APOB: variants seen among roughly 807,000 people sequenced by gnomAD.
APOB encodes the protein apolipoprotein B, also known as apolipoprotein B-100.
In APOB, 153 loss-of-function variants were observed where a neutral mutation model predicts 314.1. The ratio of observed to expected loss-of-function variants is 0.49; its 90% CI spans 0.43 to 0.56. The LOEUF is 0.56. APOB is among the 20% of genes least tolerant of loss of function. The pLI is 0.00. For synonymous variants in APOB, 2,087 were observed against 2,036.4 expected (o/e 1.02, Z -0.67); for missense variants, 5,430 against 5,350.7 (o/e 1.01, Z -0.46).
chr2:21,024,586 C>G, intron 16 of APOB: 1 of 475,956 alleles, frequency 2.1e-6, no homozygotes, highest in Non-Finnish European at 3.7e-6. Flanking sequence ...TCACTGCACT[C>G]CAGCCTGGGA....
Position 21,032,573 on chromosome 2 carries a change from G to A in APOB, c.1133C>T (p.Thr378Ile), listed in dbSNP as rs1558574135. ...TCCACACTGAACCAAGGCTTGTAAA[G>A]TGATGGGGCTGAGAAGAAAGACATG... ...PQLIEVSSPI[T>I]LQALVQCGQP... Residue 378 changes from threonine (T) to isoleucine (I), a missense_variant, in exon 10 of 29, where the codon ACT becomes ATT. Physicochemically the swap from Thr to Ile is moderately conservative, Grantham distance 89. Around this residue, in one of 3 missense-constraint regions of APOB, gnomAD observed 2,085 missense variants for 2,079.7 expected, o/e 1.00. Coordinates refer to ENST00000233242, the MANE Select transcript of APOB (RefSeq NM_000384.3). 1 of 1,613,874 alleles carries A rather than the reference G, an allele frequency of 6.2e-7. No individual in the cohort carries two copies. Among genetic ancestry groups the A allele is most frequent in the Non-Finnish European group, 8.5e-7 (1 of 1,179,752 alleles).
In APOB at chr2:21,010,937, C is replaced by T. The variant is rs748244979; in HGVS notation, c.5931G>A (p.Gln1977=). Residue 1977 remains glutamine (Q), a synonymous_variant, in exon 26 of 29, where the codon CAG becomes CAA. Transcript: ENST00000233242. ...KVSALLTPAE[Q]TGTWKLKTQF... ...GGGTCTTGAGTTTCCAGGTGCCTGT[C>T]TGCTCAGCTGGAGTAAGCAGGGCAC... 1 of 1,614,158 alleles carries T rather than the reference C, an allele frequency of 6.2e-7. No homozygotes were observed. The highest frequency in any genetic ancestry group is 1.1e-5 in the South Asian group (1 of 91,078).
chr2:21,042,285 C>T lies in APOB; in HGVS notation c.237+76G>A, dbSNP rs574110093. 102 of 1,105,098 alleles carry T rather than the reference C, an allele frequency of 9.2e-5. No homozygotes were observed. The African/African-American group carries it at 1.4e-3, about 15-fold the overall frequency. 68.5% of individuals were successfully genotyped at this position (1,105,098 alleles called of 1,614,324 possible). A position where few individuals can be genotyped will look rare whatever the true frequency, so the allele number is the denominator to read the frequency against. On this transcript the variant is annotated intron_variant, in intron 3 of 28. Coordinates refer to ENST00000233242, the MANE Select transcript of APOB (RefSeq NM_000384.3). The stretch of plus-strand genomic sequence containing the variant: ...CAGTACACACCCTCCGGGAAGGTCG[C>T]GTGTTGGGCGCCCGCTGGAACAGGG...
rs1172260850 is a variant in APOB at position 21,005,553 on chromosome 2, T to A, written c.11315A>T (p.Lys3772Met). ...KLDFREIQIY[K>M]KLRTSSFALN... ...GGCAAATGATGAAGTTCTCAGCTTCTTATAGATTTGTATTTCTCTGAAGTC... is the reference window on the plus strand; with the variant it reads ...GGCAAATGATGAAGTTCTCAGCTTCATATAGATTTGTATTTCTCTGAAGTC... Residue 3772 changes from lysine (K) to methionine (M), a missense_variant, in exon 26 of 29, where the codon AAG (lysine) becomes ATG (methionine). Lys to Met is a moderately conservative substitution (Grantham distance 95). Around this residue, in one of 3 missense-constraint regions of APOB, gnomAD observed 3,281 missense variants for 3,171.0 expected, o/e 1.03. Transcript: ENST00000233242. The A allele has an allele frequency of 6.2e-7, 1 of 1,614,072 alleles. No homozygotes were observed. The highest frequency in any genetic ancestry group is 8.5e-7 in the Non-Finnish European group (1 of 1,179,970).
rs189193213 is a variant in APOB, at chr2:21,042,501, C to T, written c.122-25G>A. On this transcript the variant is annotated intron_variant, in intron 2 of 28. Coordinates refer to ENST00000233242, the MANE Select transcript of APOB (RefSeq NM_000384.3). ...TCTAACGTGGGGAGAAATACGTCAG[C>T]CACATAGCAGAAATAGCTCTCCCAA... 1.1e-5 allele frequency: 17 copies of T among 1,580,868 alleles called. No individual in the cohort carries two copies. The East Asian group carries it at 3.8e-4, about 35-fold the overall frequency.
chr2:21,016,400 G>A lies in APOB; in HGVS notation c.3332+39C>T, dbSNP rs776837638. 5.7e-6 allele frequency: 6 copies of A among 1,058,856 alleles called. No individual in the cohort carries two copies. In the East Asian group the frequency reaches 1.4e-4, roughly 25 times the overall value. The allele number at this position is 1,058,856 out of a possible 1,614,324, so 65.6% of individuals were successfully genotyped here. The stretch of plus-strand genomic sequence containing the variant: ...AGGAATAATGAAAAGAACCACCCAG[G>A]CCTGCAGTGCAGGTCAGATGACCCT... On this transcript the variant is annotated intron_variant, in intron 21 of 28. Coordinates refer to ENST00000233242, the MANE Select transcript of APOB (RefSeq NM_000384.3).
rs1558572342 is a variant in APOB, at chr2:21,028,350, G to T, written c.1806C>A (p.Asn602Lys). The change falls in exon 13 of 29, where the codon AAC becomes AAA. Residue 602 changes from asparagine (N) to lysine (K), a missense_variant. Asn to Lys is a moderately conservative substitution (Grantham distance 94, BLOSUM62 0). Transcript: ENST00000233242. ...ACTCTTGGATATCCAATTCTTCTGA[G>T]TTCAAGATATTGGCAATATGGGAAG... is the stretch of plus-strand genomic sequence containing the variant. Reference protein sequence around the residue: ...FVASHIANILNSEELDIQDLK... With the variant: ...FVASHIANILKSEELDIQDLK... 1.9e-6 allele frequency: 3 copies of T among 1,613,860 alleles called. No homozygotes were observed. The highest frequency in any genetic ancestry group is 1.6e-4 in the Middle Eastern group (1 of 6,062).
chr2:21,037,011 C>A, intron 6 of APOB, 89 bp downstream of exon 6: 1 of 1,547,148 alleles, frequency 6.5e-7, no homozygotes, highest in South Asian at 1.2e-5. Flanking sequence ...AGGCTGTCCT[C>A]AAAGGTGCCC....
rs907466176 is a variant in APOB, at chr2:21,012,311, G to A, written c.4557C>T (p.Asn1519=). 8 of 1,614,022 alleles carry A rather than the reference G, an allele frequency of 5.0e-6. No homozygotes were observed. The highest frequency in any genetic ancestry group is 2.7e-5 in the African/African-American group (2 of 74,914). The change falls in exon 26 of 29, where the codon AAC becomes AAT. Residue 1519 remains asparagine, a synonymous_variant. Transcript: ENST00000233242. ...PNTGRLNGES[N]LRFNSSYLQG... ...GGAGGTAGGAGGAGTTAAACCTCAG[G>A]TTGGACTCTCCATTGAGCCGGCCAG...
rs758067709 is a variant in APOB at position 21,009,811 on chromosome 2, G to A, written c.7057C>T (p.Gln2353Ter). The change falls in exon 26 of 29, where the codon CAA becomes TAA. Residue 2353 changes from glutamine to a stop codon, truncating the protein, a stop_gained. Transcript: ENST00000233242. LOFTEE classifies it high-confidence loss of function. ...AATTTATCCATTAAAACCTGGATTTGTTGGTCTACTTCATACCTCTCGATT... is the reference window on the plus strand; with the variant it reads ...AATTTATCCATTAAAACCTGGATTTATTGGTCTACTTCATACCTCTCGATT... ...ELIERYEVDQ[Q>*]IQVLMDKLVE... is the part of the protein sequence containing the mutation. The A allele has an allele frequency of 1.2e-6, 2 of 1,613,994 alleles. No homozygotes were observed. The highest frequency in any genetic ancestry group is 1.7e-6 in the Non-Finnish European group (2 of 1,179,970).
intron 8 of APOB, among the ~76,000 whole-genome samples, chr2:21,034,507 C>T (rs113548298): frequency 1.2e-4 from 18 of 152,328 alleles, no homozygotes; most frequent in African/African-American, 2.2e-4. Flanking sequence ...TGGTCCACCT[C>T]GTCTGGGACA....
rs776068398 is a variant in APOB at position 21,005,790 on chromosome 2, G to T, written c.11078C>A (p.Thr3693Asn). ...SLWDFLKLDV[T>N]TSIGRRQHLR... ...ATGCTGTCTCCTACCAATGCTGGTG[G>T]TTACATCCAGCTTTAGGAAATCCCA... Residue 3693 changes from threonine to asparagine, a missense_variant, in exon 26 of 29, where the codon ACC (threonine) becomes AAC (asparagine). Physicochemically the swap from Thr to Asn is moderately conservative, Grantham distance 65. Transcript: ENST00000233242. 2.2e-5 allele frequency: 35 copies of T among 1,613,898 alleles called. No homozygotes were observed. The highest frequency in any genetic ancestry group is 2.9e-5 in the Non-Finnish European group (34 of 1,179,968).
rs1558559559 is a variant in APOB at position 21,003,336 on chromosome 2, TA to T, written c.12088-3del. On this transcript the variant is annotated splice_region_variant and splice_polypyrimidine_tract_variant and intron_variant, in intron 28 of 28. Coordinates refer to ENST00000233242, the MANE Select transcript of APOB (RefSeq NM_000384.3). ...GGTGAGTTTTTTATCTGGAGAGGAC[TA>T]AACAGAGAGAAAAAAAAAAATAACA... The T allele has an allele frequency of 6.2e-7, 1 of 1,609,238 alleles. No homozygotes were observed. Among genetic ancestry groups the T allele is most frequent in the Non-Finnish European group, 8.5e-7 (1 of 1,177,820 alleles).
intron 6 of APOB, among the ~76,000 whole-genome samples, chr2:21,036,430 G>A (rs1664005216): frequency 6.6e-6 from 1 of 152,212 alleles, no homozygotes; most frequent in Admixed American, 6.5e-5. Context: ...CAGCATGACA[G>A]TGATTGCCCA....
At position 21,009,840 on chromosome 2, in the gene APOB, T is replaced by C. The variant is rs202229735; in HGVS notation, c.7028A>G (p.Glu2343Gly). 1.2e-6 allele frequency: 2 copies of C among 1,613,952 alleles called. No individual in the cohort carries two copies. Among genetic ancestry groups the C allele is most frequent in the African/African-American group, 2.7e-5 (2 of 74,916 alleles). ...GTCTACTTCATACCTCTCGATTAAC[T>C]CATGGACTTTGGCTCTGAAGGCATT... Reference protein sequence around the residue: ...KINAFRAKVHELIERYEVDQQ... With the variant: ...KINAFRAKVHGLIERYEVDQQ... The change falls in exon 26 of 29, where the codon GAG becomes GGG. Residue 2343 changes from glutamate (E) to glycine (G), a missense_variant. Physicochemically the swap from Glu to Gly is moderately conservative, Grantham distance 98 (BLOSUM62 -2). Transcript: ENST00000233242.
chr2:21,025,085 T>G lies in APOB; in HGVS notation c.2284A>C (p.Ile762Leu). ...ACTTCTTTGGATTTCAAATCTTTAATCAGCTTCTCAACACTGAGCATTATT... is the reference window on the plus strand; with the variant it reads ...ACTTCTTTGGATTTCAAATCTTTAAGCAGCTTCTCAACACTGAGCATTATT... ...NGIMLSVEKL[I>L]KDLKSKEVPE... Residue 762 changes from isoleucine (I) to leucine (L), a missense_variant, in exon 16 of 29, where the codon ATT (isoleucine) becomes CTT (leucine). Transcript: ENST00000233242. 6.2e-7 allele frequency: 1 copy of G among 1,614,244 alleles called. No individual in the cohort carries two copies. The highest frequency in any genetic ancestry group is 8.5e-7 in the Non-Finnish European group (1 of 1,180,034).
Position 21,023,027 on chromosome 2 carries a change from C to T in APOB, c.2620G>A (p.Val874Met), listed in dbSNP as rs147330870. The T allele has an allele frequency of 1.2e-5, 20 of 1,614,032 alleles. No individual in the cohort carries two copies. The African/African-American group carries it at 1.3e-4, about 11-fold the overall frequency. The change falls in exon 18 of 29, where the codon GTG becomes ATG. Residue 874 changes from valine (V) to methionine (M), a missense_variant. Val to Met is a conservative substitution (Grantham distance 21). Coordinates refer to ENST00000233242, the MANE Select transcript of APOB (RefSeq NM_000384.3). ...TCCACAGACACGGAGGGTTTTGCCA[C>T]CAGTTCAGCCTGCATCTATAAGTCA... ...LEVANMQAEL[V>M]AKPSVSVEFV... is the part of the protein sequence containing the mutation.
intron 14 of APOB, 100 bp downstream of exon 14, chr2:21,027,728 G>C: frequency 2.2e-6 from 2 of 904,960 alleles, no homozygotes; most frequent in East Asian, 4.8e-5. Context: ...AGTGCCTGGT[G>C]GTTCTTAGTT....
chr2:21,001,995 A>T lies in APOB; in HGVS notation c.13427T>A (p.Ile4476Lys), dbSNP rs767676919. 1 of 1,613,976 alleles carries T rather than the reference A, an allele frequency of 6.2e-7. No individual in the cohort carries two copies. The highest frequency in any genetic ancestry group is 8.5e-7 in the Non-Finnish European group (1 of 1,179,970). Reference sequence around the variant, plus strand: ...CGTCGCAATGGCCTGGCTTTTAATTATTTCCTGAGCAGTGGCAGAAAGCTC... The same window carrying T: ...CGTCGCAATGGCCTGGCTTTTAATTTTTTCCTGAGCAGTGGCAGAAAGCTC... ...IAELSATAQE[I>K]IKSQAIATKK... The change falls in exon 29 of 29, where the codon ATA becomes AAA. Residue 4476 changes from isoleucine to lysine, a missense_variant. Ile to Lys is a moderately radical substitution (Grantham distance 102). Coordinates refer to ENST00000233242, the MANE Select transcript of APOB (RefSeq NM_000384.3).
Sources: gnomAD v4.1 joint callset for allele counts (sites outside exome capture counted in the v4.1 genomes callset) on GRCh38, gnomAD v4.1.1 for gene constraint, gnomAD v4.1.1 regional missense constraint, MANE v1.5 for transcripts, NCBI Gene and HGNC (gene_info 2026-07-23, HGNC 2026-07-21) for gene names.